SEZ6L2: variants seen among roughly 807,000 people sequenced by gnomAD.
SEZ6L2 encodes the protein seizure related 6 homolog like 2.
SEZ6L2 carries 44 observed loss-of-function variants against 97.0 expected under a neutral mutation model. The ratio of observed to expected loss-of-function variants is 0.45; its 90% CI spans 0.36 to 0.58. The LOEUF (loss-of-function observed/expected upper bound fraction) is 0.58. SEZ6L2 is among the 20% of genes least tolerant of loss of function. The pLI, the probability that SEZ6L2 is intolerant of heterozygous loss-of-function variation, is 0.00. For missense variants in SEZ6L2, 1,086 were observed against 1,233.3 expected, an observed-to-expected ratio of 0.88 and a Z score of 1.79; for synonymous variants, 543 against 546.1, an observed-to-expected ratio of 0.99 and a Z score of 0.08.
intron 8 of SEZ6L2, 53 bp from the exon 9 acceptor site, chr16:29,880,117 C>A: frequency 6.4e-7 from 1 of 1,550,416 alleles, no homozygotes; most frequent in Non-Finnish European, 8.8e-7. Context: ...CTCAAGGGAT[C>A]TTAAATTGGG....
intron 14 of SEZ6L2, 44 bp from the exon 15 acceptor site, chr16:29,872,787 G>T (rs374506689): frequency 3.3e-6 from 5 of 1,535,780 alleles, no homozygotes; most frequent in Non-Finnish European, 3.6e-6. Context: ...GAGCCAGGGA[G>T]GGGAGGAGGC....
In SEZ6L2 at chr16:29,887,810, A is replaced by G; in HGVS notation, c.1047T>C (p.Cys349=). The change falls in exon 7 of 18, where the codon TGT becomes TGC. Residue 349 remains cysteine (C), a synonymous_variant. Transcript: ENST00000617533. ...NGETPSCMAS[C]GGTIHNATLG... ...GGGTGGCATTGTGGATGGTGCCACC[A>G]CAGGATGCTGTGGGCAGAGGAGGGG... The G allele has an allele frequency of 6.2e-7, 1 of 1,613,776 alleles. No homozygotes were observed.
chr16:29,888,898 C>T (rs988755850), intron 5 of SEZ6L2, among the ~76,000 whole-genome samples, 173 bp from the exon 6 acceptor site: 9 of 151,804 alleles, frequency 5.9e-5, no homozygotes, highest in East Asian at 1.9e-4. Flanking sequence ...CACCTTGCCT[C>T]GCGAACAGGA....
chr16:29,883,801 G>A (rs994178842), intron 8 of SEZ6L2, among the ~76,000 whole-genome samples: 2 of 152,048 alleles, frequency 1.3e-5, no homozygotes, highest in Admixed American at 1.3e-4. Flanking sequence ...GCATGGTGCC[G>A]AACGCTTGTG....
In SEZ6L2 at chr16:29,899,259, TGTGGTGGAGGGGGCGCGGCTCC is replaced by T. The variant is rs1378356231; in HGVS notation, c.-262_-241del. ...CTCCTCTGTCCTCTTCTCGCGGCTC[TGTGGTGGAGGGGGCGCGGCTCC>T]GGCTGCAGGGGGTGGGGCCGAGAGG... On this transcript the variant is annotated 5_prime_UTR_variant, in exon 1 of 18. Coordinates refer to ENST00000617533, the MANE Select transcript of SEZ6L2 (RefSeq NM_001243332.2). 2.2e-6 allele frequency: 1 copy of T among 460,464 alleles called. No homozygotes were observed. Among genetic ancestry groups the T allele is most frequent in the Non-Finnish European group, 3.8e-6 (1 of 261,356 alleles). 28.5% of individuals were successfully genotyped at this position (460,464 alleles called of 1,614,324 possible). A position where few individuals can be genotyped will look rare whatever the true frequency, so the allele number is the denominator to read the frequency against.
chr16:29,872,770 G>A (rs1452252403), intron 14 of SEZ6L2, 27 bp from the exon 15 acceptor site: 2 of 1,600,872 alleles, frequency 1.2e-6, no homozygotes, highest in Non-Finnish European at 1.7e-6. Flanking sequence ...GGGAGGGGAT[G>A]GGGTCTGAGC....
intron 12 of SEZ6L2, among the ~76,000 whole-genome samples, chr16:29,874,547 CTTGTTTTTTTTTTTTTTTTTTTTT>C (rs1289377602): frequency 4.1e-5 from 1 of 24,540 alleles, no homozygotes; most frequent in Non-Finnish European, 8.3e-5. Context: ...TGTGTGTGTG[CTTGTTTTTTTTTTTTTTTTTTTTT>C]TTTTTTTTTT....
intron 5 of SEZ6L2, among the ~76,000 whole-genome samples, chr16:29,893,630 A>G (rs1215038592): frequency 6.6e-6 from 1 of 151,294 alleles, no homozygotes; most frequent in Non-Finnish European, 1.5e-5. Flanking sequence ...CCTGGGCAAC[A>G]AAGTGAGACT....
chr16:29,879,653 G>A (rs1463789059), intron 9 of SEZ6L2, among the ~76,000 whole-genome samples: 1 of 152,194 alleles, frequency 6.6e-6, no homozygotes, highest in African/African-American at 2.4e-5. Flanking sequence ...TCTCGCTCTT[G>A]AAGACATTTG....
At position 29,895,826 on chromosome 16, in the gene SEZ6L2, C is replaced by T; in HGVS notation, c.546G>A (p.Gly182=). The T allele has an allele frequency of 3.1e-6, 5 of 1,613,912 alleles. 1 individual carries two copies. The highest frequency in any genetic ancestry group is 4.2e-6 in the Non-Finnish European group (5 of 1,179,922). Residue 182 remains glycine, a synonymous_variant, in exon 4 of 18, where the codon GGG becomes GGA. Transcript: ENST00000617533. ...TCCCCAGATCTGGAGACTCCACATA[C>T]CCTTCGCCCTCGGAGATGTTGTTAT... The part of the protein sequence containing the change: ...LCNNNISEGE[G]YVESPDLGSP...
chr16:29,873,092 G>T lies in SEZ6L2; in HGVS notation c.2488+148C>A. 1.1e-6 allele frequency: 1 copy of T among 901,230 alleles called. No homozygotes were observed. Among genetic ancestry groups the T allele is most frequent in the Non-Finnish European group, 1.7e-6 (1 of 601,178 alleles). 55.8% of individuals were successfully genotyped at this position (901,230 alleles called of 1,614,324 possible). The stretch of plus-strand genomic sequence containing the variant: ...TGACCTCACACGACCCAGGGCTTCT[G>T]GACACACCCGTGAGGACACGAGGCC... On this transcript the variant is annotated intron_variant, in intron 14 of 17. Transcript: ENST00000617533. The surrounding 1 kb of genome is among the most constrained non-coding windows in gnomAD (Gnocchi z 4.3).
At chr16:29,872,879 T>C (rs2067815906) in intron 14 of SEZ6L2, 136 bp from the exon 15 acceptor site, 2 of 720,458 alleles carry the variant, frequency 2.8e-6, no homozygotes, top group Admixed American at 2.8e-5. Flanking sequence ...CTTTCTCCCT[T>C]TGTGGGGAAG....
At chr16:29,881,752 C>T (rs1304322225) in intron 8 of SEZ6L2, among the ~76,000 whole-genome samples, 6 of 148,174 alleles carry the variant, frequency 4.0e-5, no homozygotes, top group African/African-American at 7.5e-5. Context: ...CTCAGCCTCC[C>T]GAGTAGCTGG....
intron 8 of SEZ6L2, among the ~76,000 whole-genome samples, chr16:29,884,946 T>A (rs898882744): frequency 6.7e-6 from 1 of 149,516 alleles, no homozygotes; most frequent in South Asian, 2.1e-4. Context: ...GGTGGCTCAC[T>A]CCTGTAATCC....
Position 29,873,879 on chromosome 16 carries a change from C to T in SEZ6L2, c.2105-150G>A, listed in dbSNP as rs1280279195. The T allele has an allele frequency of 9.9e-6, 7 of 705,612 alleles. No individual in the cohort carries two copies. The highest frequency in any genetic ancestry group is 3.1e-5 in the Admixed American group (1 of 32,518). 43.7% of individuals were successfully genotyped at this position (705,612 alleles called of 1,614,324 possible). ...GTTCCAGCTACTCAGGAGTTGGAGGCGGGATGATCGCTCGAACCCAGCAGG... is the reference window on the plus strand; with the variant it reads ...GTTCCAGCTACTCAGGAGTTGGAGGTGGGATGATCGCTCGAACCCAGCAGG... On this transcript the variant is annotated intron_variant, in intron 12 of 17. Transcript: ENST00000617533. The surrounding 1 kb of genome is among the most constrained non-coding windows in gnomAD (Gnocchi z 4.3).
chr16:29,874,088 G>A (rs2067847470), intron 12 of SEZ6L2, among the ~76,000 whole-genome samples: 1 of 152,172 alleles, frequency 6.6e-6, no homozygotes, highest in African/African-American at 2.4e-5. Context: ...TCCTCAGAAG[G>A]AAGAGAGCAT....
At chr16:29,884,627 A>C (rs559123800) in intron 8 of SEZ6L2, among the ~76,000 whole-genome samples, 1 of 151,914 alleles carries the variant, frequency 6.6e-6, no homozygotes, top group East Asian at 1.9e-4. Flanking sequence ...ATAAAAACTA[A>C]AAACTGTCAG....
Position 29,887,787 on chromosome 16 carries a change from G to C in SEZ6L2, c.1070C>G (p.Thr357Ser), listed in dbSNP as rs1464895430. 1 of 1,613,820 alleles carries C rather than the reference G, an allele frequency of 6.2e-7. No homozygotes were observed. Among genetic ancestry groups the C allele is most frequent in the Admixed American group, 1.7e-5 (1 of 59,984 alleles). The change falls in exon 7 of 18, where the codon ACC becomes AGC. Residue 357 changes from threonine (T) to serine (S), a missense_variant. By Grantham distance (58) the Thr-to-Ser change is moderately conservative (BLOSUM62 1). Around this residue, in one of 2 missense-constraint regions of SEZ6L2, gnomAD observed 776 missense variants for 794.7 expected, o/e 0.98. Coordinates refer to ENST00000617533, the MANE Select transcript of SEZ6L2 (RefSeq NM_001243332.2). ...ASCGGTIHNA[T>S]LGRIVSPEPG... ...CTCTGGGGACACGATGCGGCCCAGGGTGGCATTGTGGATGGTGCCACCACA... is the reference window on the plus strand; with the variant it reads ...CTCTGGGGACACGATGCGGCCCAGGCTGGCATTGTGGATGGTGCCACCACA...
chr16:29,871,665 G>A lies in SEZ6L2; in HGVS notation c.*34C>T, dbSNP rs1189979600. The stretch of plus-strand genomic sequence containing the variant: ...CCTCTGCCCGAATGAGGAGGGGAGG[G>A]GCGTCCTGGGTCCTGCAGCTGTAGT... On this transcript the variant is annotated 3_prime_UTR_variant, in exon 18 of 18. Transcript: ENST00000617533. The A allele has an allele frequency of 2.5e-6, 4 of 1,600,432 alleles. No individual in the cohort carries two copies. Among genetic ancestry groups the A allele is most frequent in the Non-Finnish European group, 3.4e-6 (4 of 1,173,226 alleles).
Sources: gnomAD v4.1 joint callset for allele counts (sites outside exome capture counted in the v4.1 genomes callset) on GRCh38, gnomAD v4.1.1 for gene constraint, gnomAD v4.1.1 regional missense constraint, Gnocchi (gnomAD v3.1) non-coding constraint, MANE v1.5 for transcripts, NCBI Gene and HGNC (gene_info 2026-07-23, HGNC 2026-07-21) for gene names.